The following ZNF540 variants were observed in gnomAD, a reference collection of about 807,000 sequenced individuals.
ZNF540 encodes CTD-3064H18.6.
A neutral mutation model predicts 11.8 loss-of-function variants in ZNF540; 3 were observed. That is an observed-to-expected ratio of 0.25 (90% CI 0.12 to 0.65). The LOEUF (loss-of-function observed/expected upper bound fraction) is 0.65, where lower values mean the gene tolerates loss of function less well. Among genes scored for constraint, ZNF540 ranks in the 30% least tolerant of loss-of-function variants. The pLI is 0.83. For missense variants in ZNF540, 709 were observed against 793.1 expected (o/e 0.89, Z 1.27); for synonymous variants, 247 against 259.0 (o/e 0.95, Z 0.45).
rs1240463438 is a variant in ZNF540 at position 37,613,264 on chromosome 19, T to C, written c.*1T>C. ...TCAGAAAACTCATAATGTAATTTAATATAAGAAAAGGTTTCCATGTCATGC... is the reference window on the plus strand; with the variant it reads ...TCAGAAAACTCATAATGTAATTTAACATAAGAAAAGGTTTCCATGTCATGC... On this transcript the variant is annotated 3_prime_UTR_variant, in exon 5 of 5. Coordinates refer to ENST00000316433, the MANE Select transcript of ZNF540 (RefSeq NM_001172225.3). 1.3e-6 allele frequency: 2 copies of C among 1,482,414 alleles called. No individual in the cohort carries two copies. The highest frequency in any genetic ancestry group is 2.3e-5 in the East Asian group (1 of 43,790). The allele number at this position is 1,482,414 out of a possible 1,614,324, so 91.8% of individuals were successfully genotyped here. A position where few individuals can be genotyped will look rare whatever the true frequency, so the allele number is the denominator to read the frequency against.
chr19:37,611,997 T>C lies in ZNF540; in HGVS notation c.717T>C (p.Gly239=), dbSNP rs748367495. 9 of 1,613,704 alleles carry C rather than the reference T, an allele frequency of 5.6e-6. No individual in the cohort carries two copies. Among genetic ancestry groups the C allele is most frequent in the Non-Finnish European group, 7.6e-6 (9 of 1,179,950 alleles). ...QLTLHQRFHT[G]EKPYECQECG... is the part of the protein sequence containing the mutation. ...CTCTGCATCAGAGATTTCATACTGGTGAGAAACCCTATGAATGTCAAGAAT... is the reference window on the plus strand; with the variant it reads ...CTCTGCATCAGAGATTTCATACTGGCGAGAAACCCTATGAATGTCAAGAAT... The change falls in exon 5 of 5, where the codon GGT becomes GGC. Residue 239 remains glycine, a synonymous_variant. Coordinates refer to ENST00000316433, the MANE Select transcript of ZNF540 (RefSeq NM_001172225.3).
chr19:37,564,528 A>T (rs1452705058), intron 1 of ZNF540: 3 of 1,365,042 alleles, frequency 2.2e-6, no homozygotes, highest in Non-Finnish European at 1.9e-6. Flanking sequence ...CAGAAGCAAG[A>T]TGTTCTACAT....
chr19:37,557,035 G>A lies in ZNF540; in HGVS notation c.-73+5370G>A, dbSNP rs188975893. Among the ~76,000 whole-genome samples, 18 of 152,286 alleles carry A rather than the reference G, an allele frequency of 1.2e-4. No homozygotes were observed. The East Asian group carries it at 1.5e-3, about 13-fold the overall frequency. On this transcript the variant is annotated intron_variant, in intron 1 of 4. Transcript: ENST00000592533. Reference sequence around the variant, plus strand: ...CCTATGGCAGCAGGCAGCCCATATCGAGGGATGATTTCATTGAGTAAAAAC... The same window carrying A: ...CCTATGGCAGCAGGCAGCCCATATCAAGGGATGATTTCATTGAGTAAAAAC...
At chr19:37,566,306 G>A (rs573767781) in intron 1 of ZNF540, 3 of 1,571,470 alleles carry the variant, frequency 1.9e-6, no homozygotes, top group Non-Finnish European at 2.6e-6. Flanking sequence ...AGAATAAAAA[G>A]AAAGCAAATT....
intron 4 of ZNF540, among the ~76,000 whole-genome samples, chr19:37,608,957 T>A (rs1025126381): frequency 6.6e-5 from 10 of 152,180 alleles, no homozygotes; most frequent in Non-Finnish European, 1.3e-4. Flanking sequence ...TAGATTTTTT[T>A]AGGCTCTTTT....
chr19:37,607,271 A>C (rs986728666), intron 4 of ZNF540, among the ~76,000 whole-genome samples: 2 of 152,216 alleles, frequency 1.3e-5, no homozygotes, highest in Admixed American at 1.3e-4. Flanking sequence ...AACAATCCAC[A>C]TTACAGTGGT....
In ZNF540 at chr19:37,566,150, T is replaced by C. The variant is rs527671578; in HGVS notation, c.-73+14485T>C. 4.8e-5 allele frequency: 78 copies of C among 1,613,896 alleles called. No individual in the cohort carries two copies. Among genetic ancestry groups the C allele is most frequent in the Non-Finnish European group, 6.1e-5 (72 of 1,179,932 alleles). On this transcript the variant is annotated intron_variant, in intron 1 of 4. Coordinates refer to the ZNF540 transcript ENST00000592533. ...TGCTTCTTGACCCTCTAAGTTGCCTTTGCACTCCATATTGTCTCCAAGACC... is the reference window on the plus strand; with the variant it reads ...TGCTTCTTGACCCTCTAAGTTGCCTCTGCACTCCATATTGTCTCCAAGACC...
At position 37,565,506 on chromosome 19, in the gene ZNF540, C is replaced by G. The variant is rs770973383; in HGVS notation, c.-73+13841C>G. The stretch of plus-strand genomic sequence containing the variant: ...AAGGCCTTTCCACATTCCTTACACT[C>G]ATAAGGTTTCTCACCACTATGAATT... On this transcript the variant is annotated intron_variant, in intron 1 of 4. Transcript: ENST00000592533. 1.2e-6 allele frequency: 2 copies of G among 1,613,716 alleles called. No individual in the cohort carries two copies. The highest frequency in any genetic ancestry group is 1.7e-5 in the Admixed American group (1 of 59,972).
intron 4 of ZNF540, among the ~76,000 whole-genome samples, chr19:37,608,908 T>C (rs1291031439): frequency 6.6e-6 from 1 of 152,142 alleles, no homozygotes; most frequent in African/African-American, 2.4e-5. Flanking sequence ...CCCAAAGTGC[T>C]GGGATTACAA....
intron 1 of ZNF540, among the ~76,000 whole-genome samples, chr19:37,553,543 ATCCTT>A (rs2042630354): frequency 6.6e-6 from 1 of 151,770 alleles, no homozygotes; most frequent in African/African-American, 2.4e-5. Context: ...TCTCTTATCT[ATCCTT>A]AATTCTTTTT....
chr19:37,604,082 A>G (rs1007676772), intron 4 of ZNF540, among the ~76,000 whole-genome samples: 6 of 152,116 alleles, frequency 3.9e-5, no homozygotes, highest in Non-Finnish European at 8.8e-5. Context: ...TAGCTAAACT[A>G]ACTTTAAAAT....
chr19:37,568,492 G>A (rs980023152), intron 1 of ZNF540, among the ~76,000 whole-genome samples: 3 of 151,642 alleles, frequency 2.0e-5, no homozygotes, highest in Admixed American at 1.3e-4. Flanking sequence ...ACACTATAAG[G>A]AATCAAATAA....
At position 37,584,488 on chromosome 19, in the gene ZNF540, A is replaced by G. The variant is rs186764495; in HGVS notation, c.-72-13888A>G. Among the ~76,000 whole-genome samples the G allele has an allele frequency of 5.6e-4, 85 of 152,340 alleles. 2 individuals are homozygous for G. The highest frequency in any genetic ancestry group is 1.7e-3 in the African/African-American group (69 of 41,586). ...CCCTTCTGCCTTTAAATACTTTTAA[A>G]AAGATGAATTTTTTTCCAAACAATG... On this transcript the variant is annotated intron_variant, in intron 1 of 4. Coordinates refer to the ZNF540 transcript ENST00000592533.
At position 37,588,028 on chromosome 19, in the gene ZNF540, A is replaced by T. The variant is rs113111072; in HGVS notation, c.-72-10348A>T. Among the ~76,000 whole-genome samples, 458 of 123,904 alleles carry T rather than the reference A, an allele frequency of 3.7e-3. 2 individuals are homozygous for T. Among genetic ancestry groups the T allele is most frequent in the African/African-American group, 0.014 (443 of 32,446 alleles). The allele number at this position is 123,904 out of a possible 152,430, so 81.3% of individuals were successfully genotyped here. A position where few individuals can be genotyped will look rare whatever the true frequency, so the allele number is the denominator to read the frequency against. ...GGCAGAAGAATCACTTGTACGCGGG[A>T]GGTGGAGGTTGCAGTGACCCAAGAT... On this transcript the variant is annotated intron_variant, in intron 1 of 4. Coordinates refer to the ZNF540 transcript ENST00000592533.
chr19:37,584,084 A>G, intron 1 of ZNF540: 1 of 1,614,186 alleles, frequency 6.2e-7, no homozygotes, highest in Non-Finnish European at 8.5e-7. Context: ...CACATCCCTG[A>G]AAGTCACCAA....
chr19:37,565,825 T>C, intron 1 of ZNF540: 1 of 1,613,800 alleles, frequency 6.2e-7, no homozygotes, highest in Non-Finnish European at 8.5e-7. Flanking sequence ...CAAAGGCCTT[T>C]CCACATTCCA....
intron 1 of ZNF540, chr19:37,563,064 C>T (rs751594618): frequency 5.3e-5 from 8 of 152,062 alleles, no homozygotes; most frequent in Non-Finnish European, 8.8e-5. Flanking sequence ...TGTGGTGGCT[C>T]ACATTTGTAA....
chr19:37,593,910 G>C (rs2043940919), upstream of ZNF540, among the ~76,000 whole-genome samples: 1 of 152,102 alleles, frequency 6.6e-6, no homozygotes, highest in Non-Finnish European at 1.5e-5. Flanking sequence ...AAACGTTTCG[G>C]AAAGGAAGAA....
chr19:37,565,763 G>A lies in ZNF540; in HGVS notation c.-73+14098G>A, dbSNP rs1278089201. ...TTTCCCACATGCGTTACACTGATAA[G>A]GTTTTTCATTAGTATGAATTTTCTG... On this transcript the variant is annotated intron_variant, in intron 1 of 4. Transcript: ENST00000592533. 11 of 1,613,504 alleles carry A rather than the reference G, an allele frequency of 6.8e-6. No homozygotes were observed. Among genetic ancestry groups the A allele is most frequent in the Admixed American group, 6.7e-5 (4 of 59,944 alleles).
Sources: allele counts gnomAD v4.1 joint callset (sites outside exome capture counted in the v4.1 genomes callset), GRCh38; gene constraint gnomAD v4.1.1; transcripts MANE v1.5; gene names NCBI Gene and HGNC (gene_info 2026-07-23, HGNC 2026-07-21).